The following LPP variants were observed in gnomAD, a reference collection of about 807,000 sequenced individuals.
The protein encoded by LPP is LIM domain containing preferred translocation partner in lipoma.
LPP carries 38 observed loss-of-function variants against 60.4 expected under a neutral mutation model. That is an observed-to-expected ratio of 0.63 (90% confidence interval 0.49 to 0.83). LPP has a LOEUF of 0.83. Ranked by LOEUF, LPP falls within the 40% of genes least tolerant of loss-of-function variation. LPP has a pLI of 0.00. For synonymous variants in LPP, 328 were observed against 290.8 expected (o/e 1.13, Z -1.30); for missense variants, 902 against 783.6 (o/e 1.15, Z -1.80).
At chr3:188,676,797 T>G (rs1031322221) in intron 7 of LPP, among the ~76,000 whole-genome samples, 3 of 151,996 alleles carry the variant, frequency 2.0e-5, no homozygotes, top group Admixed American at 6.6e-5. Flanking sequence ...TCCCAATGAG[T>G]GTGGGAGGGA....
intron 7 of LPP, among the ~76,000 whole-genome samples, chr3:188,707,550 T>C (rs1865730710): frequency 6.6e-6 from 1 of 152,214 alleles, no homozygotes. Context: ...GAAATCTGGC[T>C]GTTTGCAGTG....
At chr3:188,471,643 G>C (rs1172671467) in intron 4 of LPP, among the ~76,000 whole-genome samples, 5 of 152,202 alleles carry the variant, frequency 3.3e-5, no homozygotes, top group African/African-American at 4.8e-5. Flanking sequence ...TCAGATTTGA[G>C]CACTGAGCTA....
At chr3:188,584,727 CT>C (rs932320939) in intron 6 of LPP, among the ~76,000 whole-genome samples, 6 of 150,856 alleles carry the variant, frequency 4.0e-5, no homozygotes, top group Non-Finnish European at 7.4e-5. Context: ...CTTTCTTCTT[CT>C]TTTTTTTTCC....
chr3:188,166,558 C>T lies in LPP; in HGVS notation c.-190+12306C>T, dbSNP rs146031120. ...CAGGTAAATCATACCAGTAGTCCTG[C>T]GGATGGTTATTATTATTGTCCAAGT... On this transcript the variant is annotated intron_variant, in intron 1 of 11. Transcript: ENST00000617246. Among the ~76,000 whole-genome samples the T allele has an allele frequency of 5.5e-4, 83 of 152,242 alleles. No homozygotes were observed. The East Asian group carries it at 8.5e-3, about 16-fold the overall frequency.
chr3:188,695,855 C>T (rs1262316513), intron 7 of LPP, among the ~76,000 whole-genome samples: 3 of 152,084 alleles, frequency 2.0e-5, no homozygotes, highest in Non-Finnish European at 4.4e-5. Context: ...TTACGATAGA[C>T]CATGTAAGTT....
chr3:188,380,798 T>C (rs1776677157), intron 3 of LPP, among the ~76,000 whole-genome samples: 1 of 152,254 alleles, frequency 6.6e-6, no homozygotes, highest in South Asian at 2.1e-4. Flanking sequence ...GGAAGAATCA[T>C]TTATCCACCA....
At chr3:188,433,983 G>T (rs555189066) in intron 4 of LPP, among the ~76,000 whole-genome samples, 1 of 152,152 alleles carries the variant, frequency 6.6e-6, no homozygotes, top group African/African-American at 2.4e-5. Flanking sequence ...AGGGTGAATG[G>T]TAGTATAACT....
At chr3:188,723,053 A>C (rs547044148) in intron 8 of LPP, among the ~76,000 whole-genome samples, 1 of 152,380 alleles carries the variant, frequency 6.6e-6, no homozygotes, top group African/African-American at 2.4e-5. Context: ...CAACACACCA[A>C]GATATACCAC....
chr3:188,384,568 G>C (rs1163293198), intron 3 of LPP, among the ~76,000 whole-genome samples: 1 of 151,978 alleles, frequency 6.6e-6, no homozygotes, highest in African/African-American at 2.4e-5. Context: ...GAGGCGGGCA[G>C]ATCATGAGGT....
At chr3:188,207,621 CT>C (rs77534309) in intron 1 of LPP, among the ~76,000 whole-genome samples, 2,273 of 131,258 alleles carry the variant, frequency 0.017, 48 homozygotes, top group African/African-American at 0.047. Context: ...TCTTTTTCTT[CT>C]TTTTTTTTTT....
intron 9 of LPP, among the ~76,000 whole-genome samples, chr3:188,858,826 ATG>A (rs1445310298): frequency 6.6e-6 from 1 of 152,128 alleles, no homozygotes; most frequent in Admixed American, 6.5e-5. Flanking sequence ...GTGGTGGCTC[ATG>A]CTTGTAATCC....
chr3:188,827,759 G>A (rs1317271338), intron 9 of LPP, among the ~76,000 whole-genome samples: 1 of 152,166 alleles, frequency 6.6e-6, no homozygotes, highest in Non-Finnish European at 1.5e-5. Flanking sequence ...TGAATTCAGA[G>A]CTTCTGTGTG....
intron 7 of LPP, among the ~76,000 whole-genome samples, chr3:188,631,352 A>G (rs1214793076): frequency 6.6e-6 from 1 of 152,120 alleles, no homozygotes; most frequent in Admixed American, 6.5e-5. Flanking sequence ...AAATTTGGGG[A>G]CACTCCTATT....
intron 1 of LPP, among the ~76,000 whole-genome samples, chr3:188,199,481 G>A (rs1730451492): frequency 6.6e-6 from 1 of 152,126 alleles, no homozygotes; most frequent in African/African-American, 2.4e-5. Context: ...CACGGAGGTA[G>A]AGCCACAGGG....
chr3:188,177,206 C>CGAGGG (rs1723289597), intron 1 of LPP, among the ~76,000 whole-genome samples: 1 of 152,154 alleles, frequency 6.6e-6, no homozygotes, highest in African/African-American at 2.4e-5. Context: ...GCCAGCCCAG[C>CGAGGG]GAGGGGATCG....
At chr3:188,268,846 A>T (rs901611215) in intron 2 of LPP, among the ~76,000 whole-genome samples, 5 of 152,178 alleles carry the variant, frequency 3.3e-5, no homozygotes, top group African/African-American at 1.2e-4. Flanking sequence ...ATATATTTCA[A>T]ATGTTACTAG....
intron 8 of LPP, among the ~76,000 whole-genome samples, chr3:188,724,195 A>G (rs558840621): frequency 5.1e-4 from 77 of 152,330 alleles, no homozygotes; most frequent in African/African-American, 1.8e-3. Flanking sequence ...AGCTGAAGCC[A>G]AGATGAGTTA....
intron 2 of LPP, among the ~76,000 whole-genome samples, chr3:188,258,674 C>T (rs1002405621): frequency 1.3e-5 from 2 of 152,058 alleles, no homozygotes; most frequent in Non-Finnish European, 1.5e-5. Context: ...GGGGTTCTCG[C>T]TATTAGCGCA....
chr3:188,763,778 A>G (rs1449367177), intron 9 of LPP, among the ~76,000 whole-genome samples: 1 of 152,156 alleles, frequency 6.6e-6, no homozygotes, highest in African/African-American at 2.4e-5. Flanking sequence ...TTAGAATTGT[A>G]AATAACATGC....
Sources: gnomAD v4.1 joint callset for allele counts (sites outside exome capture counted in the v4.1 genomes callset) on GRCh38, gnomAD v4.1.1 for gene constraint, MANE v1.5 for transcripts, NCBI Gene and HGNC (gene_info 2026-07-23, HGNC 2026-07-21) for gene names.